PPP2R2C: variants seen among roughly 807,000 people sequenced by gnomAD.
PPP2R2C encodes protein phosphatase 2, regulatory subunit B, gamma.
PPP2R2C carries 10 observed loss-of-function variants against 45.3 expected under a neutral mutation model. The ratio of observed to expected loss-of-function variants is 0.22; its 90% CI spans 0.14 to 0.37. The LOEUF is 0.37. PPP2R2C is among the 10% of genes least tolerant of loss of function. The pLI, the probability that PPP2R2C is intolerant of heterozygous loss-of-function variation, is 1.00. For missense variants in PPP2R2C, 308 were observed against 619.7 expected, an observed-to-expected ratio of 0.50 and a Z score of 5.34; for synonymous variants, 257 against 245.4, an observed-to-expected ratio of 1.05 and a Z score of -0.44.
At chr4:6,397,806 T>A (rs1486207582) in intron 1 of PPP2R2C, among the ~76,000 whole-genome samples, 2 of 152,260 alleles carry the variant, frequency 1.3e-5, no homozygotes, top group Admixed American at 1.3e-4. Flanking sequence ...AGCGAAAATA[T>A]GTTCCTGTTA....
chr4:6,375,754 C>A, intron 4 of PPP2R2C, 65 bp downstream of exon 4: 1 of 1,345,460 alleles, frequency 7.4e-7, no homozygotes, highest in South Asian at 1.3e-5. Context: ...AAAGGCTTTT[C>A]CAGCCCTAAA....
intron 2 of PPP2R2C, among the ~76,000 whole-genome samples, chr4:6,479,818 T>C (rs1577213580): frequency 6.6e-6 from 1 of 152,238 alleles, no homozygotes; most frequent in East Asian, 1.9e-4. Flanking sequence ...CTTTTGAATA[T>C]TGATTCAAAA....
In PPP2R2C at chr4:6,357,699, C is replaced by T. The variant is rs532064049; in HGVS notation, c.626-9689G>A. Among the ~76,000 whole-genome samples, 9 of 152,312 alleles carry T rather than the reference C, an allele frequency of 5.9e-5. No homozygotes were observed. In the East Asian group the frequency reaches 1.7e-3, roughly 29 times the overall value. ...GGTGGGCCTATCCCGGTCCCCCATC[C>T]ACAGTACAAGGAGCTCCTCACCCTG... On this transcript the variant is annotated intron_variant, in intron 5 of 8. Transcript: ENST00000382599.
chr4:6,384,791 T>A, intron 1 of PPP2R2C: 1 of 985,488 alleles, frequency 1.0e-6, no homozygotes, highest in African/African-American at 1.7e-5. Context: ...ACTACTGTGA[T>A]TTCCATTTGG....
chr4:6,510,998 CAA>C (rs1190184264), intron 2 of PPP2R2C, among the ~76,000 whole-genome samples: 1 of 77,178 alleles, frequency 1.3e-5, no homozygotes, highest in African/African-American at 4.2e-5. Flanking sequence ...AACAAACAAA[CAA>C]AAAAAAAAAC....
intron 1 of PPP2R2C, among the ~76,000 whole-genome samples, chr4:6,413,224 C>T (rs1718303454): frequency 1.3e-5 from 2 of 151,532 alleles, no homozygotes; most frequent in African/African-American, 4.8e-5. Flanking sequence ...TACATGTGCA[C>T]ACACAGTTGT....
rs993823711 is a variant in PPP2R2C at position 6,413,124 on chromosome 4, TCCC to T, written c.71-32033_71-32031del. On this transcript the variant is annotated intron_variant, in intron 1 of 8. Coordinates refer to ENST00000382599, the MANE Select transcript of PPP2R2C (RefSeq NM_020416.4). The stretch of plus-strand genomic sequence containing the variant: ...ATTTTCTTACAGATTGCCTGCTATT[TCCC>T]CCGAGAATAAACAGAGTGAACATGT... Among the ~76,000 whole-genome samples the T allele has an allele frequency of 2.0e-5, 3 of 151,938 alleles. No homozygotes were observed. The East Asian group carries it at 5.8e-4, about 29-fold the overall frequency.
intron 5 of PPP2R2C, among the ~76,000 whole-genome samples, chr4:6,355,619 C>T (rs974760906): frequency 5.3e-5 from 8 of 150,760 alleles, no homozygotes; most frequent in Non-Finnish European, 7.4e-5. Flanking sequence ...AGGAGTGGAT[C>T]GTCACTGACA....
intron 1 of PPP2R2C, among the ~76,000 whole-genome samples, chr4:6,409,438 C>A (rs1249242714): frequency 1.3e-5 from 2 of 152,166 alleles, no homozygotes; most frequent in African/African-American, 4.8e-5. Flanking sequence ...ACCAGGCCCA[C>A]CAGCATGGAG....
chr4:6,336,706 TCCCTCCCTCCC>T, intron 6 of PPP2R2C, among the ~76,000 whole-genome samples: 2 of 18,692 alleles, frequency 1.1e-4, no homozygotes, highest in African/African-American at 1.0e-3. Context: ...CATCCCTCCC[TCCCTCCCTCCC>T]TCCCTCCCTC....
intron 1 of PPP2R2C, among the ~76,000 whole-genome samples, chr4:6,426,311 C>G (rs1432979456): frequency 6.6e-6 from 1 of 152,220 alleles, no homozygotes; most frequent in African/African-American, 2.4e-5. Context: ...CTACGATCAG[C>G]TGCTGAAAAT....
intron 5 of PPP2R2C, among the ~76,000 whole-genome samples, chr4:6,363,375 G>A (rs1030544177): frequency 6.6e-5 from 10 of 152,168 alleles, no homozygotes; most frequent in Admixed American, 1.3e-4. Context: ...TCAGGAGATC[G>A]AGACCATCCT....
At chr4:6,372,809 C>T (rs1009846650) in intron 4 of PPP2R2C, 109 bp from the exon 5 acceptor site, 10 of 1,145,746 alleles carry the variant, frequency 8.7e-6, no homozygotes, top group African/African-American at 4.6e-5. Context: ...CAGGGGTGGG[C>T]GTCCATCCTG....
intron 1 of PPP2R2C, among the ~76,000 whole-genome samples, chr4:6,419,992 C>T (rs11723119): frequency 0.23 from 34,530 of 152,162 alleles, 4,436 homozygotes; most frequent in Admixed American, 0.36. Flanking sequence ...AGGTCACATT[C>T]TGAGGTTCCA....
intron 1 of PPP2R2C, among the ~76,000 whole-genome samples, chr4:6,449,640 G>C (rs757298369): frequency 6.6e-6 from 1 of 152,178 alleles, no homozygotes; most frequent in Non-Finnish European, 1.5e-5. Context: ...TATTCAGCAG[G>C]AAAACAAATC....
chr4:6,431,116 A>C (rs1719590732), intron 1 of PPP2R2C, among the ~76,000 whole-genome samples: 1 of 152,236 alleles, frequency 6.6e-6, no homozygotes. Context: ...CCCAAGGATC[A>C]GTATAACTGA....
intron 2 of PPP2R2C, among the ~76,000 whole-genome samples, chr4:6,495,315 G>C (rs2108789415): frequency 1.3e-5 from 2 of 152,334 alleles, no homozygotes; most frequent in South Asian, 4.1e-4. Flanking sequence ...AAGGACAGTT[G>C]GCCCCAGAAC....
At chr4:6,472,029 A>ATGGGGTGGGGTGGGGTGGGG (rs1183148365) in intron 1 of PPP2R2C, 131 bp downstream of exon 1, 2 of 841,866 alleles carry the variant, frequency 2.4e-6, no homozygotes, top group African/African-American at 9.5e-5. Context: ...GTGGGGTGGG[A>ATGGGGTGGGGTGGGGTGGGG]TGGGGTGGGG....
Position 6,380,982 on chromosome 4 carries a change from C to G in PPP2R2C, c.168+15G>C, listed in dbSNP as rs1424281145. Reference sequence around the variant, plus strand: ...CCCACCCCTCCCACCTCCCACCAGACCCAGGGCTTCGCACCTCTGGTTCCC... The same window carrying G: ...CCCACCCCTCCCACCTCCCACCAGAGCCAGGGCTTCGCACCTCTGGTTCCC... On this transcript the variant is annotated intron_variant, in intron 2 of 8. Transcript: ENST00000382599. 6.7e-7 allele frequency: 1 copy of G among 1,503,212 alleles called. No homozygotes were observed. The highest frequency in any genetic ancestry group is 8.9e-7 in the Non-Finnish European group (1 of 1,120,670). The allele number at this position is 1,503,212 out of a possible 1,614,324, so 93.1% of individuals were successfully genotyped here.
Sources: gnomAD v4.1 joint callset for allele counts (sites outside exome capture counted in the v4.1 genomes callset) on GRCh38, gnomAD v4.1.1 for gene constraint, MANE v1.5 for transcripts, NCBI Gene and HGNC (gene_info 2026-07-23, HGNC 2026-07-21) for gene names.